DZIP3: variants seen among roughly 807,000 people sequenced by gnomAD.
DZIP3 encodes the protein DAZ interacting zinc finger protein 3.
A neutral mutation model predicts 162.0 loss-of-function variants in DZIP3; 118 were observed. The ratio of observed to expected loss-of-function variants is 0.73; its 90% CI spans 0.63 to 0.85. The LOEUF is 0.85. Among genes scored for constraint, DZIP3 ranks in the 40% least tolerant of loss-of-function variants. The pLI, the probability that DZIP3 is intolerant of heterozygous loss-of-function variation, is 0.00. For missense variants in DZIP3, 1,331 were observed against 1,407.0 expected, an observed-to-expected ratio of 0.95 and a Z score of 0.86; for synonymous variants, 438 against 458.6, an observed-to-expected ratio of 0.96 and a Z score of 0.57.
rs1395294459 is a variant in DZIP3, at chr3:108,605,457, A to G, written c.32+19A>G. ...TTGTGAGGTAAGGCCACAGTCCCCAACCTTTTTGGCACCATGGACTGGTTT... is the reference window on the plus strand; with the variant it reads ...TTGTGAGGTAAGGCCACAGTCCCCAGCCTTTTTGGCACCATGGACTGGTTT... On this transcript the variant is annotated intron_variant, in intron 2 of 32. Coordinates refer to ENST00000361582, the MANE Select transcript of DZIP3 (RefSeq NM_014648.4). 6.2e-7 allele frequency: 1 copy of G among 1,612,448 alleles called. No homozygotes were observed. Among genetic ancestry groups the G allele is most frequent in the Admixed American group, 1.7e-5 (1 of 59,680 alleles).
At chr3:108,660,927 A>G (rs1164946794) in intron 19 of DZIP3, among the ~76,000 whole-genome samples, 1 of 152,232 alleles carries the variant, frequency 6.6e-6, no homozygotes, top group Non-Finnish European at 1.5e-5. Flanking sequence ...AATCAAAACC[A>G]CAATGAGATA....
intron 29 of DZIP3, among the ~76,000 whole-genome samples, chr3:108,688,371 T>C (rs963777447): frequency 6.6e-6 from 1 of 152,216 alleles, no homozygotes; most frequent in Non-Finnish European, 1.5e-5. Flanking sequence ...TTTTCTAATT[T>C]TCTTGAAAGA....
intron 3 of DZIP3, 124 bp downstream of exon 3, chr3:108,608,282 T>C (rs1256837216): frequency 3.0e-6 from 2 of 671,108 alleles, no homozygotes; most frequent in Non-Finnish European, 5.1e-6. Context: ...CCTACTTTCC[T>C]ACCTTCATAA....
intron 1 of DZIP3, among the ~76,000 whole-genome samples, chr3:108,604,533 T>A (rs1046814948): frequency 2.6e-5 from 4 of 152,194 alleles, no homozygotes; most frequent in Admixed American, 2.6e-4. Flanking sequence ...ATATATATAC[T>A]TATGATACTC....
At chr3:108,627,115 G>A (rs1941623528) in intron 7 of DZIP3, among the ~76,000 whole-genome samples, 1 of 152,228 alleles carries the variant, frequency 6.6e-6, no homozygotes, top group South Asian at 2.1e-4. Context: ...ATGCTTTGTA[G>A]AATGTCAAAA....
intron 8 of DZIP3, 98 bp from the exon 9 acceptor site, chr3:108,632,855 T>C: frequency 1.6e-6 from 1 of 613,490 alleles, no homozygotes; most frequent in Non-Finnish European, 2.5e-6. Context: ...AGGGATATGA[T>C]ATGGACATAT....
In DZIP3 at chr3:108,625,850, T is replaced by C. The variant is rs1459570055; in HGVS notation, c.462T>C (p.Tyr154=). The stretch of plus-strand genomic sequence containing the variant: ...CTAGTTTTATGTTACTACAGGATTA[T>C]ACAGAAGCTGAGAATAAATTTCTGG... The part of the protein sequence containing the change: ...ALTERGKKED[Y]TEAENKFLVM... The change falls in exon 7 of 33, where the codon TAT becomes TAC. Residue 154 remains tyrosine, a synonymous_variant. Coordinates refer to ENST00000361582, the MANE Select transcript of DZIP3 (RefSeq NM_014648.4). The C allele has an allele frequency of 6.2e-7, 1 of 1,612,124 alleles. No individual in the cohort carries two copies. Among genetic ancestry groups the C allele is most frequent in the East Asian group, 2.2e-5 (1 of 44,750 alleles).
chr3:108,592,705 C>CA (rs59524030), intron 1 of DZIP3, among the ~76,000 whole-genome samples: 4,979 of 63,542 alleles, frequency 0.078, 119 homozygotes, highest in Non-Finnish European at 0.11. Flanking sequence ...GACCCTGTCT[C>CA]AAAAAAAAAA....
chr3:108,653,501 G>GTA (rs1942956363), intron 18 of DZIP3, among the ~76,000 whole-genome samples: 1 of 22,486 alleles, frequency 4.4e-5, no homozygotes, highest in Non-Finnish European at 1.3e-4. Flanking sequence ...GCCATTGTGT[G>GTA]TGTGTGTATA....
At chr3:108,690,995 C>A in intron 32 of DZIP3, 92 bp downstream of exon 32, 1 of 982,680 alleles carries the variant, frequency 1.0e-6, no homozygotes. Context: ...CAATATAGTG[C>A]TAAAGAAGCC....
At chr3:108,676,240 G>C (rs1262689834) in intron 25 of DZIP3, among the ~76,000 whole-genome samples, 1 of 152,060 alleles carries the variant, frequency 6.6e-6, no homozygotes, top group African/African-American at 2.4e-5. Context: ...CTTGAGCCAG[G>C]TGCTCACGGT....
At position 108,605,447 on chromosome 3, in the gene DZIP3, A is replaced by G; in HGVS notation, c.32+9A>G. 1 of 1,613,104 alleles carries G rather than the reference A, an allele frequency of 6.2e-7. No homozygotes were observed. Among genetic ancestry groups the G allele is most frequent in the Non-Finnish European group, 8.5e-7 (1 of 1,179,570 alleles). On this transcript the variant is annotated intron_variant, in intron 2 of 32. Transcript: ENST00000361582. ...GATGAATTTTTTGTGAGGTAAGGCC[A>G]CAGTCCCCAACCTTTTTGGCACCAT...
chr3:108,628,662 A>T (rs550359078), intron 7 of DZIP3, among the ~76,000 whole-genome samples: 1 of 152,324 alleles, frequency 6.6e-6, no homozygotes, highest in Non-Finnish European at 1.5e-5. Context: ...AGCACGGATT[A>T]TGGCCATAGG....
At chr3:108,692,213 A>ATATATT (rs148092883) in intron 32 of DZIP3, among the ~76,000 whole-genome samples, 2,880 of 152,208 alleles carry the variant, frequency 0.019, 99 homozygotes, top group African/African-American at 0.066. Context: ...TGATAGAAAT[A>ATATATT]TATATATTTT....
At position 108,688,083 on chromosome 3, in the gene DZIP3, C is replaced by A. The variant is rs758695716; in HGVS notation, c.3257C>A (p.Pro1086His). The A allele has an allele frequency of 6.2e-7, 1 of 1,613,174 alleles. No individual in the cohort carries two copies. Among genetic ancestry groups the A allele is most frequent in the African/African-American group, 1.3e-5 (1 of 74,876 alleles). The change falls in exon 29 of 33, where the codon CCC (proline) becomes CAC (histidine). Residue 1086 changes from proline to histidine, a missense_variant. Around this residue, in one of 2 missense-constraint regions of DZIP3, gnomAD observed 1,278 missense variants for 1,317.1 expected, o/e 0.97. Transcript: ENST00000361582. ...TGCAAGATTTCCCAGTTTATTGACC[C>A]CAAAAAGTCTCAGGTAAAATGCAAA... Reference protein sequence around the residue: ...IVCKISQFIDPKKSQSQGKSV... With the variant: ...IVCKISQFIDHKKSQSQGKSV...
At chr3:108,679,193 A>G (rs577678316) in intron 26 of DZIP3, among the ~76,000 whole-genome samples, 14 of 152,202 alleles carry the variant, frequency 9.2e-5, no homozygotes, top group African/African-American at 3.1e-4. Context: ...AAATTCTTCA[A>G]TGGCTCTTAA....
chr3:108,683,701 C>G (rs1944401197), intron 26 of DZIP3, among the ~76,000 whole-genome samples: 1 of 152,206 alleles, frequency 6.6e-6, no homozygotes. Context: ...TCCTCCAGCT[C>G]TCCTTGGAGC....
intron 8 of DZIP3, among the ~76,000 whole-genome samples, chr3:108,629,602 T>C (rs1006229072): frequency 6.6e-6 from 1 of 152,054 alleles, no homozygotes. Context: ...GTTAGCATTT[T>C]TATTTATATC....
At chr3:108,662,390 T>G (rs1433290162) in intron 21 of DZIP3, 133 bp downstream of exon 21, 2 of 1,118,234 alleles carry the variant, frequency 1.8e-6, no homozygotes, top group Non-Finnish European at 2.4e-6. Flanking sequence ...ACTGCACTTG[T>G]TTAAAAACCA....
Sources: gnomAD v4.1 joint callset for allele counts (sites outside exome capture counted in the v4.1 genomes callset) on GRCh38, gnomAD v4.1.1 for gene constraint, gnomAD v4.1.1 regional missense constraint, MANE v1.5 for transcripts, NCBI Gene and HGNC (gene_info 2026-07-23, HGNC 2026-07-21) for gene names.